NTNG1: variants seen among roughly 807,000 people sequenced by gnomAD.
The protein encoded by NTNG1 is netrin G1, also known as netrin-G1.
A neutral mutation model predicts 54.0 loss-of-function variants in NTNG1; 16 were observed. That is an observed-to-expected ratio of 0.30 (90% CI 0.20 to 0.45). The LOEUF (loss-of-function observed/expected upper bound fraction) is 0.45. NTNG1 is among the 20% of genes least tolerant of loss of function. The pLI is 1.00. For missense variants in NTNG1, 530 were observed against 678.7 expected (o/e 0.78, Z 2.43); for synonymous variants, 255 against 263.1 (o/e 0.97, Z 0.30).
intron 3 of NTNG1, 108 bp downstream of exon 3, chr1:107,325,030 T>A: frequency 8.7e-7 from 1 of 1,145,146 alleles, no homozygotes; most frequent in Non-Finnish European, 1.2e-6. Context: ...TGCAACGTTT[T>A]CTTCAGGAAC....
chr1:107,318,561 C>A lies in NTNG1; in HGVS notation c.247-5721C>A, dbSNP rs148843673. ...AAAAAAAAGACAAAGAAATTTGTGC[C>A]GGTTTTGCTGTCACACCTCAAACTG... On this transcript the variant is annotated intron_variant, in intron 2 of 7. Transcript: ENST00000370068. 7.8e-3 allele frequency among the ~76,000 whole-genome samples: 1,191 copies of A among 151,876 alleles called. 12 individuals carry two copies. Among genetic ancestry groups the A allele is most frequent in the Middle Eastern group, 0.041 (12 of 294 alleles).
intron 7 of NTNG1, among the ~76,000 whole-genome samples, 152 bp downstream of exon 7, chr1:107,436,951 G>A (rs1333954224): frequency 6.6e-6 from 1 of 152,064 alleles, no homozygotes; most frequent in African/African-American, 2.4e-5. Flanking sequence ...TGTATTGGGA[G>A]AGCAATCCAT....
intron 3 of NTNG1, among the ~76,000 whole-genome samples, chr1:107,355,547 A>T (rs1375513908): frequency 6.6e-6 from 1 of 152,168 alleles, no homozygotes; most frequent in African/African-American, 2.4e-5. Context: ...TTCAGAGCAC[A>T]TAGTGTAGTA....
intron 7 of NTNG1, among the ~76,000 whole-genome samples, chr1:107,454,901 TCAAA>T (rs1676842890): frequency 6.6e-6 from 1 of 152,146 alleles, no homozygotes; most frequent in Admixed American, 6.5e-5. Context: ...TGAATGAGGC[TCAAA>T]CCCAGCTCTC....
chr1:107,406,537 C>A (rs189397415), intron 4 of NTNG1, among the ~76,000 whole-genome samples: 2 of 152,116 alleles, frequency 1.3e-5, no homozygotes, highest in South Asian at 4.1e-4. Context: ...TAAAATCACC[C>A]AGCAAGGCGG....
chr1:107,413,630 A>G (rs1673994827), intron 5 of NTNG1, among the ~76,000 whole-genome samples: 1 of 152,106 alleles, frequency 6.6e-6, no homozygotes, highest in Non-Finnish European at 1.5e-5. Flanking sequence ...ACATCATATC[A>G]TCGTGGTATC....
chr1:107,253,312 G>A (rs537399094), intron 2 of NTNG1, among the ~76,000 whole-genome samples: 2 of 152,294 alleles, frequency 1.3e-5, no homozygotes, highest in East Asian at 1.9e-4. Flanking sequence ...TCCAATAAAG[G>A]TTTGGTCTTC....
chr1:107,381,831 T>C (rs1485411558), intron 3 of NTNG1, among the ~76,000 whole-genome samples: 1 of 152,332 alleles, frequency 6.6e-6, no homozygotes, highest in East Asian at 1.9e-4. Flanking sequence ...TTGCTTCTGC[T>C]CTCTTCTGTC....
intron 3 of NTNG1, among the ~76,000 whole-genome samples, chr1:107,389,536 G>T (rs1445767154): frequency 6.6e-6 from 1 of 152,200 alleles, no homozygotes; most frequent in Non-Finnish European, 1.5e-5. Flanking sequence ...CATGACAGCT[G>T]GTCACTAAAA....
At chr1:107,350,904 T>A (rs967443648) in intron 3 of NTNG1, among the ~76,000 whole-genome samples, 1 of 152,094 alleles carries the variant, frequency 6.6e-6, no homozygotes, top group Non-Finnish European at 1.5e-5. Flanking sequence ...GTTGAATAAG[T>A]TTTGGAGAGC....
At chr1:107,167,506 A>C (rs114579652) in intron 2 of NTNG1, among the ~76,000 whole-genome samples, 4,515 of 151,896 alleles carry the variant, frequency 0.03, 212 homozygotes, top group African/African-American at 0.1. Context: ...TTGTATAAAA[A>C]CTTAAATATG....
intron 3 of NTNG1, among the ~76,000 whole-genome samples, chr1:107,355,199 A>C (rs1669864150): frequency 1.3e-5 from 2 of 151,136 alleles, no homozygotes; most frequent in African/African-American, 4.8e-5. Context: ...AAGGCTATCA[A>C]ACATGGTTAT....
intron 4 of NTNG1, among the ~76,000 whole-genome samples, chr1:107,404,081 TTA>T (rs5776886): frequency 0.9 from 130,576 of 145,346 alleles, 59,779 homozygotes; most frequent in Non-Finnish European, 0.99. Context: ...CCTTCTTAAT[TTA>T]TATATATATA....
intron 2 of NTNG1, among the ~76,000 whole-genome samples, chr1:107,184,685 A>T (rs937184886): frequency 2.6e-5 from 4 of 152,120 alleles, no homozygotes; most frequent in Non-Finnish European, 5.9e-5. Flanking sequence ...GCTGCCATGG[A>T]CCATCACCCT....
chr1:107,149,852 A>T (rs1654427165), intron 2 of NTNG1, among the ~76,000 whole-genome samples: 2 of 152,196 alleles, frequency 1.3e-5, no homozygotes, highest in Admixed American at 6.6e-5. Flanking sequence ...TGTATGGCAG[A>T]TTTTAATAAT....
chr1:107,207,541 T>C (rs770633290), intron 2 of NTNG1, among the ~76,000 whole-genome samples: 2 of 152,204 alleles, frequency 1.3e-5, no homozygotes, highest in Non-Finnish European at 2.9e-5. Flanking sequence ...AATCAACTTC[T>C]GCTACAGAAA....
intron 2 of NTNG1, among the ~76,000 whole-genome samples, chr1:107,277,458 A>G (rs150450247): frequency 0.015 from 2,334 of 152,308 alleles, 38 homozygotes; most frequent in Non-Finnish European, 0.024. Flanking sequence ...GAAACTATAG[A>G]AAGTGCATGG....
intron 2 of NTNG1, among the ~76,000 whole-genome samples, chr1:107,289,085 T>C (rs1665406717): frequency 6.6e-6 from 1 of 152,150 alleles, no homozygotes; most frequent in Admixed American, 6.6e-5. Context: ...GTCAGTCTAC[T>C]TCAGTGAGAA....
intron 2 of NTNG1, among the ~76,000 whole-genome samples, chr1:107,258,181 C>T (rs1229097919): frequency 2.0e-5 from 3 of 150,106 alleles, no homozygotes; most frequent in Admixed American, 6.7e-5. Context: ...TGCTCTTACT[C>T]GGATTATTTT....
Sources: gnomAD v4.1 joint callset for allele counts (sites outside exome capture counted in the v4.1 genomes callset) on GRCh38, gnomAD v4.1.1 for gene constraint, MANE v1.5 for transcripts, NCBI Gene and HGNC (gene_info 2026-07-23, HGNC 2026-07-21) for gene names.